Variants in SBF1 observed in about 807,000 individuals in gnomAD.
SBF1 encodes the protein SET binding factor 1, also known as myotubularin-related protein 5.
Under a neutral mutation model 215.8 loss-of-function variants are expected in SBF1, and 65 were observed. That is an observed-to-expected ratio of 0.30 (90% CI 0.25 to 0.37). The LOEUF (loss-of-function observed/expected upper bound fraction) is 0.37, where lower values mean the gene tolerates loss of function less well. Ranked by LOEUF, SBF1 falls within the 10% of genes least tolerant of loss-of-function variation. The probability of loss-of-function intolerance (pLI) is 1.00; values close to 1 mark genes in which losing one functional copy is unlikely to be tolerated. For synonymous variants in SBF1, 1,410 were observed against 1,122.8 expected (o/e 1.26, Z -5.11); for missense variants, 2,634 against 2,667.8 (o/e 0.99, Z 0.28).
intron 36 of SBF1, among the ~76,000 whole-genome samples, chr22:50,452,380 T>G (rs1379397367): frequency 1.3e-5 from 2 of 152,120 alleles, no homozygotes; most frequent in Admixed American, 1.3e-4. Flanking sequence ...AATAGAAGAC[T>G]TTTTCCTTCT....
Position 50,449,625 on chromosome 22 carries a change from A to AACTCAC in SBF1, c.5044-976_5044-975insGTGAGT, listed in dbSNP as rs1556417418. The stretch of plus-strand genomic sequence containing the variant: ...GTGAGATTCTGTCTCAAAACACACA[A>AACTCAC]ACACACACACACACACACACACACA... On this transcript the variant is annotated intron_variant, in intron 36 of 40. Coordinates refer to ENST00000380817, the MANE Select transcript of SBF1 (RefSeq NM_002972.4). Among the ~76,000 whole-genome samples, 8 of 146,960 alleles carry AACTCAC rather than the reference A, an allele frequency of 5.4e-5. 1 individual carries two copies. The highest frequency in any genetic ancestry group is 2.0e-4 in the African/African-American group (8 of 39,716).
intron 28 of SBF1, 138 bp from the exon 29 acceptor site, chr22:50,457,249 A>G: frequency 1.6e-6 from 1 of 626,346 alleles, no homozygotes; most frequent in African/African-American, 1.9e-5. Flanking sequence ...CAAGTCCCTG[A>G]TCGCAGGAAA....
Position 50,452,470 on chromosome 22 carries a change from G to A in SBF1, c.5043+2042C>T, listed in dbSNP as rs1037261331. Among the ~76,000 whole-genome samples the A allele has an allele frequency of 3.3e-5, 5 of 152,058 alleles. No individual in the cohort carries two copies. In the South Asian group the frequency reaches 8.3e-4, roughly 25 times the overall value. On this transcript the variant is annotated intron_variant, in intron 36 of 40. Transcript: ENST00000380817. The stretch of plus-strand genomic sequence containing the variant: ...ACGGTGGCTCACGCCTGTAATCCCA[G>A]CACTTTGCAAGGCCAAGGCGGGCGG...
Position 50,465,953 on chromosome 22 carries a change from C to T in SBF1, c.1011+8G>A. 3 of 1,611,560 alleles carry T rather than the reference C, an allele frequency of 1.9e-6. No homozygotes were observed. Among genetic ancestry groups the T allele is most frequent in the Non-Finnish European group, 2.5e-6 (3 of 1,177,812 alleles). ...CCAAGGCTCCCGCTTGCCCATGGTG[C>T]CCCTCACCATGCTCAGCACACTGTG... On this transcript the variant is annotated splice_region_variant and intron_variant, in intron 9 of 40. Coordinates refer to ENST00000380817, the MANE Select transcript of SBF1 (RefSeq NM_002972.4).
At chr22:50,457,195 T>C in intron 28 of SBF1, 84 bp from the exon 29 acceptor site, 2 of 1,144,048 alleles carry the variant, frequency 1.7e-6, no homozygotes, top group South Asian at 1.8e-5. Context: ...GTCAGAGGGT[T>C]CCACCAAGCC....
At position 50,454,719 on chromosome 22, in the gene SBF1, C is replaced by T. The variant is rs2148568776; in HGVS notation, c.4836G>A (p.Val1612=). 2 of 1,568,722 alleles carry T rather than the reference C, an allele frequency of 1.3e-6. No homozygotes were observed. The highest frequency in any genetic ancestry group is 1.7e-6 in the Non-Finnish European group (2 of 1,159,578). ...DAEVLRPYSN[V]SNLKVWDFYT... is the part of the protein sequence containing the mutation. Reference sequence around the variant, plus strand: ...AGAAGTCCCACACCTTCAGGTTGGACACGTTGCTGTAGGGCCGCAGGACCT... The same window carrying T: ...AGAAGTCCCACACCTTCAGGTTGGATACGTTGCTGTAGGGCCGCAGGACCT... Residue 1612 remains valine (V), a synonymous_variant, in exon 36 of 41, where the codon GTG becomes GTA. Coordinates refer to ENST00000380817, the MANE Select transcript of SBF1 (RefSeq NM_002972.4).
chr22:50,461,331 G>C (rs751050155), intron 22 of SBF1, 45 bp from the exon 23 acceptor site: 56 of 1,565,572 alleles, frequency 3.6e-5, no homozygotes, highest in African/African-American at 2.3e-4. Context: ...AGGTAAGGGG[G>C]GGGGGGTCCC....
chr22:50,454,464 G>T, intron 36 of SBF1, 48 bp downstream of exon 36: 1 of 1,502,980 alleles, frequency 6.7e-7, no homozygotes, highest in South Asian at 1.1e-5. Context: ...GTGTCTGAGC[G>T]AGAGGAGGGG....
chr22:50,468,237 G>A (rs538825685), intron 2 of SBF1, 139 bp downstream of exon 2: 28 of 807,722 alleles, frequency 3.5e-5, no homozygotes, highest in South Asian at 7.0e-5. Flanking sequence ...CAAACCCCCC[G>A]ACAGAGGCTC....
At chr22:50,455,614 G>A in intron 31 of SBF1, 32 bp from the exon 32 acceptor site, 1 of 1,536,992 alleles carries the variant, frequency 6.5e-7, no homozygotes, top group Non-Finnish European at 8.8e-7. Flanking sequence ...GCACCTCGGG[G>A]ACCCACCGCC....
chr22:50,465,322 C>T lies in SBF1; in HGVS notation c.1096G>A (p.Glu366Lys), dbSNP rs1312019546. The part of the protein sequence containing the change: ...STSSLKMQDK[E>K]LRAVFLRLFA... ...AGCCGCAGGAAGACCGCGCGCAGCT[C>T]CTTGTCCTGGGAGAAGAGCTGAGTG... Residue 366 changes from glutamate to lysine, a missense_variant, in exon 11 of 41, where the codon GAG becomes AAG. Coordinates refer to ENST00000380817, the MANE Select transcript of SBF1 (RefSeq NM_002972.4). The T allele has an allele frequency of 1.3e-6, 2 of 1,586,622 alleles. No homozygotes were observed. Among genetic ancestry groups the T allele is most frequent in the South Asian group, 1.1e-5 (1 of 87,554 alleles).
In SBF1 at chr22:50,455,575, T is replaced by C. The variant is rs1321033925; in HGVS notation, c.4274A>G (p.Lys1425Arg). ...CACCAGCACAGACACCTGCAGCAGC[T>C]TGTGGATCTGCAGGGACAGGCGGCC... is the stretch of plus-strand genomic sequence containing the variant. ...EDSEWLIQIH[K>R]LLQVSVLVVE... Residue 1425 changes from lysine to arginine, a missense_variant, in exon 32 of 41, where the codon AAG (lysine) becomes AGG (arginine). Coordinates refer to ENST00000380817, the MANE Select transcript of SBF1 (RefSeq NM_002972.4). 1 of 1,576,604 alleles carries C rather than the reference T, an allele frequency of 6.3e-7. No homozygotes were observed. Among genetic ancestry groups the C allele is most frequent in the East Asian group, 2.3e-5 (1 of 42,648 alleles).
intron 1 of SBF1, 86 bp from the exon 2 acceptor site, chr22:50,468,547 A>C (rs1603434646): frequency 1.2e-6 from 1 of 816,194 alleles, no homozygotes; most frequent in Non-Finnish European, 1.8e-6. Context: ...AAACATTCCC[A>C]CCCACTGGGC....
rs376701851 is a variant in SBF1, at chr22:50,461,771, C to G, written c.2643+25G>C. On this transcript the variant is annotated intron_variant, in intron 21 of 40. Coordinates refer to ENST00000380817, the MANE Select transcript of SBF1 (RefSeq NM_002972.4). ...GGATGCAGCCCGGGCCTTGGGCCCC[C>G]GCAGCCCCAACGGCCCCCGCAAACC... 2.6e-4 allele frequency: 421 copies of G among 1,611,894 alleles called. 3 individuals carry two copies. In the African/African-American group the frequency reaches 5.0e-3, roughly 19 times the overall value.
Position 50,446,760 on chromosome 22 carries a change from G to C in SBF1, c.*382C>G. The C allele has an allele frequency of 1.9e-5, 10 of 524,612 alleles. No individual in the cohort carries two copies. Among genetic ancestry groups the C allele is most frequent in the South Asian group, 1.5e-4 (10 of 65,526 alleles). The allele number at this position is 524,612 out of a possible 1,614,324, so 32.5% of individuals were successfully genotyped here. The stretch of plus-strand genomic sequence containing the variant: ...GGGGCAGATGGGACCCTCTGGGTAG[G>C]CCGAGAGCAGGCAGCCGGGGAGTGG... On this transcript the variant is annotated 3_prime_UTR_variant, in exon 41 of 41. Transcript: ENST00000380817.
intron 1 of SBF1, among the ~76,000 whole-genome samples, chr22:50,471,525 C>T (rs2067994884): frequency 6.6e-6 from 1 of 152,220 alleles, no homozygotes; most frequent in Non-Finnish European, 1.5e-5. Context: ...CCCTGGCCGG[C>T]TCTGCTGCTT....
intron 1 of SBF1, among the ~76,000 whole-genome samples, chr22:50,472,780 C>G (rs1348704565): frequency 6.6e-6 from 1 of 152,188 alleles, no homozygotes; most frequent in Non-Finnish European, 1.5e-5. Context: ...CTGCCCTCAG[C>G]CCATGACCAG....
intron 28 of SBF1, 96 bp from the exon 29 acceptor site, chr22:50,457,207 C>A: frequency 9.7e-7 from 1 of 1,033,922 alleles, no homozygotes; most frequent in South Asian, 1.9e-5. Flanking sequence ...CACCAAGCCC[C>A]CAGGGAGCCT....
At position 50,459,989 on chromosome 22, in the gene SBF1, T is replaced by C. The variant is rs551440125; in HGVS notation, c.3454A>G (p.Ile1152Val). 76 of 1,613,840 alleles carry C rather than the reference T, an allele frequency of 4.7e-5. 1 individual carries two copies. In the South Asian group the frequency reaches 8.1e-4, roughly 17 times the overall value. Reference protein sequence around the residue: ...LSRAKSEPFRISPVNRMYAIC... With the variant: ...LSRAKSEPFRVSPVNRMYAIC... ...GCATACATGCGGTTGACCGGAGAAA[T>C]GCGGAAGGGCTCAGACTTGGCCCGG... The change falls in exon 26 of 41, where the codon ATT becomes GTT. Residue 1152 changes from isoleucine to valine, a missense_variant. By Grantham distance (29) the Ile-to-Val change is conservative. Coordinates refer to ENST00000380817, the MANE Select transcript of SBF1 (RefSeq NM_002972.4).
Sources: allele counts gnomAD v4.1 joint callset (sites outside exome capture counted in the v4.1 genomes callset), GRCh38; gene constraint gnomAD v4.1.1; transcripts MANE v1.5; gene names NCBI Gene and HGNC (gene_info 2026-07-23, HGNC 2026-07-21).